COPS2: variants seen among roughly 807,000 people sequenced by gnomAD.
COPS2 encodes COP9 signalosome complex subunit 2.
In COPS2, 10 loss-of-function variants were observed where a neutral mutation model predicts 66.1. The observed-to-expected ratio is 0.15, with a 90% CI of 0.09 to 0.26. The LOEUF (loss-of-function observed/expected upper bound fraction) is 0.26, where lower values mean the gene tolerates loss of function less well. Ranked by LOEUF, COPS2 falls within the 10% of genes least tolerant of loss-of-function variation. COPS2 has a pLI of 1.00. For synonymous variants in COPS2, 179 were observed against 171.3 expected, an observed-to-expected ratio of 1.04 and a Z score of -0.35; for missense variants, 215 against 513.3, an observed-to-expected ratio of 0.42 and a Z score of 5.62.
intron 11 of COPS2, 97 bp from the exon 12 acceptor site, chr15:49,128,857 G>T: frequency 2.7e-6 from 2 of 742,710 alleles, no homozygotes; most frequent in Non-Finnish European, 4.5e-6. Context: ...TCACTTAAAG[G>T]AAAATTAGTG....
chr15:49,133,079 C>A (rs2084224648), intron 9 of COPS2, among the ~76,000 whole-genome samples: 1 of 150,842 alleles, frequency 6.6e-6, no homozygotes, highest in African/African-American at 2.4e-5. Context: ...ACCTCTGCCT[C>A]CCGGGTTCAT....
chr15:49,140,747 T>C (rs966313140), intron 3 of COPS2, among the ~76,000 whole-genome samples: 1 of 152,110 alleles, frequency 6.6e-6, no homozygotes, highest in Admixed American at 6.5e-5. Context: ...CTGAGTTCTA[T>C]TTTCTTTTTT....
chr15:49,139,804 G>A, intron 3 of COPS2, 151 bp from the exon 4 acceptor site: 2 of 556,834 alleles, frequency 3.6e-6, no homozygotes, highest in African/African-American at 1.9e-5. Context: ...ATGTATGACA[G>A]GAACATTGTA....
rs962405274 is a variant in COPS2, at chr15:49,124,471, A to G, written c.*3479T>C. On this transcript the variant is annotated 3_prime_UTR_variant, in exon 13 of 13. Coordinates refer to ENST00000388901, the MANE Select transcript of COPS2 (RefSeq NM_004236.4). ...AAAAAAACCTAAAACAATGAAAACT[A>G]AAAGAAAACCTCCAGAAAAAGAAAA... 5 of 152,124 alleles carry G rather than the reference A, an allele frequency of 3.3e-5. No homozygotes were observed. Among genetic ancestry groups the G allele is most frequent in the African/African-American group, 9.7e-5 (4 of 41,432 alleles). 9.4% of individuals were successfully genotyped at this position (152,124 alleles called of 1,614,324 possible). A position where few individuals can be genotyped will look rare whatever the true frequency, so the allele number is the denominator to read the frequency against.
intron 1 of COPS2, among the ~76,000 whole-genome samples, chr15:49,149,385 A>C (rs2084343061): frequency 6.6e-6 from 1 of 152,218 alleles, no homozygotes; most frequent in African/African-American, 2.4e-5. Flanking sequence ...TGTGTTCATC[A>C]ACTCATCTTA....
At chr15:49,151,565 C>G (rs1408333263) in intron 1 of COPS2, among the ~76,000 whole-genome samples, 1 of 152,056 alleles carries the variant, frequency 6.6e-6, no homozygotes. Flanking sequence ...AAACAGTTAG[C>G]TTATCAATGG....
chr15:49,146,410 G>A (rs548718525), intron 1 of COPS2, among the ~76,000 whole-genome samples: 10 of 151,880 alleles, frequency 6.6e-5, no homozygotes, highest in Admixed American at 2.6e-4. Flanking sequence ...AACTGATCAA[G>A]CTAAAAAAAA....
At chr15:49,132,836 T>C (rs1236723030) in intron 9 of COPS2, among the ~76,000 whole-genome samples, 1 of 152,120 alleles carries the variant, frequency 6.6e-6, no homozygotes, top group African/African-American at 2.4e-5. Flanking sequence ...TTCCATAATT[T>C]TGTCGAATAT....
At chr15:49,129,607 A>G (rs751485727) in intron 10 of COPS2, 48 bp from the exon 11 acceptor site, 16 of 944,638 alleles carry the variant, frequency 1.7e-5, no homozygotes, top group African/African-American at 1.0e-4. Context: ...AGTTTGTATG[A>G]TATCTTTATG....
At chr15:49,143,628 T>C (rs1279297942) in intron 3 of COPS2, among the ~76,000 whole-genome samples, 1 of 152,178 alleles carries the variant, frequency 6.6e-6, no homozygotes, top group East Asian at 1.9e-4. Flanking sequence ...CTCTTTATAA[T>C]AAACAGGAGA....
intron 4 of COPS2, chr15:49,137,757 T>C: frequency 5.1e-6 from 1 of 195,944 alleles, no homozygotes; most frequent in East Asian, 1.3e-4. Context: ...TTTATTTTAC[T>C]TTTTAAAAAG....
At position 49,155,458 on chromosome 15, in the gene COPS2, C is replaced by A. The variant is rs1321712446; in HGVS notation, c.54+67G>T. 6 of 1,489,184 alleles carry A rather than the reference C, an allele frequency of 4.0e-6. No individual in the cohort carries two copies. In the East Asian group the frequency reaches 6.8e-5, roughly 17 times the overall value. The allele number at this position is 1,489,184 out of a possible 1,614,324, so 92.2% of individuals were successfully genotyped here. Reference sequence around the variant, plus strand: ...ATGCTCTACGGGGAGAGGCCGCGGGCGCCCCGGCCCGGACCCCGAAAACAA... The same window carrying A: ...ATGCTCTACGGGGAGAGGCCGCGGGAGCCCCGGCCCGGACCCCGAAAACAA... On this transcript the variant is annotated intron_variant, in intron 1 of 12. Transcript: ENST00000388901.
intron 10 of COPS2, among the ~76,000 whole-genome samples, chr15:49,130,068 T>G (rs1177834541): frequency 6.6e-6 from 1 of 152,190 alleles, no homozygotes; most frequent in South Asian, 2.1e-4. Context: ...CAGGTTCATG[T>G]AAGAACTTTT....
chr15:49,144,367 C>G (rs769689873), intron 2 of COPS2, 63 bp from the exon 3 acceptor site: 3 of 917,556 alleles, frequency 3.3e-6, no homozygotes, highest in Non-Finnish European at 5.3e-6. Context: ...TAATGATGCC[C>G]AATGTGTAAG....
chr15:49,123,069 ATATTT>A lies in COPS2; in HGVS notation c.*4876_*4880del, dbSNP rs1242101381. On this transcript the variant is annotated 3_prime_UTR_variant, in exon 13 of 13. Coordinates refer to ENST00000388901, the MANE Select transcript of COPS2 (RefSeq NM_004236.4). ...ATGTCATTGCTCCATTTCTTGAAATATATTTTAATTTTCTTCAGTGTTATTTAAAA... is the reference window on the plus strand; with the variant it reads ...ATGTCATTGCTCCATTTCTTGAAATATAATTTTCTTCAGTGTTATTTAAAA... 3 of 152,232 alleles carry A rather than the reference ATATTT, an allele frequency of 2.0e-5. No individual in the cohort carries two copies. The highest frequency in any genetic ancestry group is 7.2e-5 in the African/African-American group (3 of 41,466). 9.4% of individuals were successfully genotyped at this position (152,232 alleles called of 1,614,324 possible). A position where few individuals can be genotyped will look rare whatever the true frequency, so the allele number is the denominator to read the frequency against.
chr15:49,143,125 A>T (rs2084299892), intron 3 of COPS2, among the ~76,000 whole-genome samples: 1 of 152,108 alleles, frequency 6.6e-6, no homozygotes, highest in African/African-American at 2.4e-5. Flanking sequence ...TGGTTATCAG[A>T]GAAGAGCTTC....
At chr15:49,152,970 A>AG (rs1196866735) in intron 1 of COPS2, among the ~76,000 whole-genome samples, 3 of 152,236 alleles carry the variant, frequency 2.0e-5, no homozygotes, top group Admixed American at 2.0e-4. Flanking sequence ...ACTTCATGGG[A>AG]CAAAAAGATT....
chr15:49,154,209 A>G (rs2084388527), intron 1 of COPS2, among the ~76,000 whole-genome samples: 3 of 152,238 alleles, frequency 2.0e-5, no homozygotes, highest in Non-Finnish European at 4.4e-5. Context: ...TTTGATAACA[A>G]AACACCTGTA....
chr15:49,144,428 C>A, intron 2 of COPS2, 124 bp from the exon 3 acceptor site: 1 of 580,586 alleles, frequency 1.7e-6, no homozygotes, highest in Non-Finnish European at 3.0e-6. Context: ...CCCAAGGATA[C>A]CACCATTTCT....
Sources: allele counts gnomAD v4.1 joint callset (sites outside exome capture counted in the v4.1 genomes callset), GRCh38; gene constraint gnomAD v4.1.1; transcripts MANE v1.5; gene names NCBI Gene and HGNC (gene_info 2026-07-23, HGNC 2026-07-21).